The following PCLO variants were observed in gnomAD, a reference collection of about 807,000 sequenced individuals.
PCLO encodes piccolo presynaptic cytomatrix protein, also known as protein piccolo.
Under a neutral mutation model 427.5 loss-of-function variants are expected in PCLO, and 82 were observed. The ratio of observed to expected loss-of-function variants is 0.19; its 90% CI spans 0.16 to 0.23. PCLO has a LOEUF of 0.23. PCLO is among the 10% of genes least tolerant of loss of function. The pLI is 1.00. For missense variants in PCLO, 6,239 were observed against 6,115.9 expected (o/e 1.02, Z -0.67); for synonymous variants, 2,357 against 2,155.4 (o/e 1.09, Z -2.59).
chr7:82,866,212 T>G (rs1281990157), intron 10 of PCLO, among the ~76,000 whole-genome samples: 2 of 152,134 alleles, frequency 1.3e-5, no homozygotes, highest in Non-Finnish European at 2.9e-5. Context: ...TTTTGCCTAC[T>G]TGCCAAAGCT....
intron 6 of PCLO, among the ~76,000 whole-genome samples, 169 bp downstream of exon 6, chr7:82,949,307 G>GCA (rs558572131): frequency 6.7e-6 from 1 of 149,992 alleles, no homozygotes; most frequent in Admixed American, 6.7e-5. Context: ...ACACACACAC[G>GCA]CACACACACA....
chr7:83,085,149 A>G (rs1790198959), intron 3 of PCLO, among the ~76,000 whole-genome samples: 1 of 152,120 alleles, frequency 6.6e-6, no homozygotes, highest in African/African-American at 2.4e-5. Context: ...AACTTTACAT[A>G]AGCCAAGTTC....
intron 3 of PCLO, among the ~76,000 whole-genome samples, chr7:83,001,304 C>T (rs886804786): frequency 6.6e-6 from 1 of 151,748 alleles, no homozygotes; most frequent in Admixed American, 6.6e-5. Flanking sequence ...CATATTCCTG[C>T]GATGGATAAG....
intron 7 of PCLO, 125 bp downstream of exon 7, chr7:82,914,561 G>C (rs896999475): frequency 1.1e-6 from 1 of 888,680 alleles, no homozygotes. Context: ...AAATAAAATT[G>C]AAGTAAACAT....
intron 9 of PCLO, among the ~76,000 whole-genome samples, chr7:82,890,233 C>G (rs534152707): frequency 3.3e-5 from 5 of 151,942 alleles, no homozygotes; most frequent in Non-Finnish European, 7.4e-5. Flanking sequence ...TGGGTAAATA[C>G]GTGTTCTCTA....
At chr7:83,065,646 T>C (rs1195038707) in intron 3 of PCLO, among the ~76,000 whole-genome samples, 1 of 152,000 alleles carries the variant, frequency 6.6e-6, no homozygotes, top group Non-Finnish European at 1.5e-5. Context: ...TTTAGATAAA[T>C]ATGCAGATAC....
At chr7:83,093,492 A>ATATATATATATATTTTTTTTTTTTTT in intron 3 of PCLO, among the ~76,000 whole-genome samples, 1 of 59,318 alleles carries the variant, frequency 1.7e-5, no homozygotes, top group African/African-American at 5.4e-5. Context: ...ATATATATAT[A>ATATATATATATATTTTTTTTTTTTTT]TTTTTTTTTT....
chr7:83,048,866 A>G (rs1789165576), intron 3 of PCLO, among the ~76,000 whole-genome samples: 1 of 152,194 alleles, frequency 6.6e-6, no homozygotes, highest in Non-Finnish European at 1.5e-5. Flanking sequence ...TGAGCCCACT[A>G]TAATACACTT....
At chr7:82,886,226 T>C (rs1447445592) in intron 9 of PCLO, among the ~76,000 whole-genome samples, 1 of 152,212 alleles carries the variant, frequency 6.6e-6, no homozygotes, top group Non-Finnish European at 1.5e-5. Flanking sequence ...ATTTGTTTTG[T>C]CAGTATAATC....
intron 3 of PCLO, among the ~76,000 whole-genome samples, chr7:83,106,963 TA>T (rs11348965): frequency 0.46 from 69,826 of 151,872 alleles, 16,446 homozygotes; most frequent in East Asian, 0.71. Context: ...ATGTGCTCAT[TA>T]AGTAGTGTGA....
intron 3 of PCLO, among the ~76,000 whole-genome samples, chr7:83,018,551 C>T (rs1195391238): frequency 6.6e-6 from 1 of 151,804 alleles, no homozygotes; most frequent in African/African-American, 2.4e-5. Flanking sequence ...ATACATCTGA[C>T]AAAATTATAT....
At chr7:82,969,898 T>C (rs1225181660) in intron 3 of PCLO, among the ~76,000 whole-genome samples, 1 of 152,114 alleles carries the variant, frequency 6.6e-6, no homozygotes, top group Non-Finnish European at 1.5e-5. Flanking sequence ...AAAATAGATA[T>C]GTTAATAAAT....
intron 2 of PCLO, among the ~76,000 whole-genome samples, chr7:83,140,693 A>T (rs1425667656): frequency 6.6e-6 from 1 of 152,210 alleles, no homozygotes; most frequent in Non-Finnish European, 1.5e-5. Context: ...TTCTCCATAG[A>T]ACCCTACTTT....
rs1474091537 is a variant in PCLO, at chr7:82,953,337, G to A, written c.7616C>T (p.Thr2539Ile). Residue 2539 changes from threonine to isoleucine, a missense_variant, in exon 5 of 25, where the codon ACT (threonine) becomes ATT (isoleucine). Transcript: ENST00000333891. Reference protein sequence around the residue: ...IHPKPTGLSLTSSMTLNLVTS... With the variant: ...IHPKPTGLSLISSMTLNLVTS... ...CACTAAATTTAAGGTCATACTTGAA[G>A]TTAAAGATAGGCCTGTTGGTTTGGG... 7.4e-6 allele frequency: 12 copies of A among 1,613,850 alleles called. No homozygotes were observed. Among genetic ancestry groups the A allele is most frequent in the Non-Finnish European group, 1.0e-5 (12 of 1,179,842 alleles).
chr7:82,939,826 T>C (rs983593334), intron 6 of PCLO, among the ~76,000 whole-genome samples: 4 of 151,158 alleles, frequency 2.6e-5, no homozygotes, highest in Admixed American at 6.6e-5. Flanking sequence ...TCCCTTAAAA[T>C]TGAATAACAA....
intron 10 of PCLO, among the ~76,000 whole-genome samples, chr7:82,858,767 A>G (rs1792874066): frequency 6.6e-6 from 1 of 152,172 alleles, no homozygotes; most frequent in African/African-American, 2.4e-5. Flanking sequence ...AAGAAGGTGA[A>G]AAATCTATGC....
intron 3 of PCLO, among the ~76,000 whole-genome samples, chr7:83,030,011 A>G (rs1168306301): frequency 6.8e-6 from 1 of 146,592 alleles, no homozygotes; most frequent in African/African-American, 2.5e-5. Flanking sequence ...ACCTAATGCT[A>G]GATGACGAGT....
At chr7:82,843,136 G>C (rs1792408968) in intron 13 of PCLO, among the ~76,000 whole-genome samples, 1 of 152,086 alleles carries the variant, frequency 6.6e-6, no homozygotes, top group South Asian at 2.1e-4. Flanking sequence ...CAATAGCCCA[G>C]ATATAGTACC....
chr7:82,955,722 C>T lies in PCLO; in HGVS notation c.5231G>A (p.Ser1744Asn). 2 of 1,613,894 alleles carry T rather than the reference C, an allele frequency of 1.2e-6. No individual in the cohort carries two copies. The highest frequency in any genetic ancestry group is 8.5e-7 in the Non-Finnish European group (1 of 1,179,872). Reference protein sequence around the residue: ...VSSLDEDSDSSPSHKKGESKQ... With the variant: ...VSSLDEDSDSNPSHKKGESKQ... ...GCTCTCTCCTTTTTTGTGACTCGGG[C>T]TACTGTCACTGTCCTCATCAAGTGA... Residue 1744 changes from serine to asparagine, a missense_variant, in exon 5 of 25, where the codon AGC becomes AAC. Transcript: ENST00000333891.
Sources: gnomAD v4.1 joint callset for allele counts (sites outside exome capture counted in the v4.1 genomes callset) on GRCh38, gnomAD v4.1.1 for gene constraint, MANE v1.5 for transcripts, NCBI Gene and HGNC (gene_info 2026-07-23, HGNC 2026-07-21) for gene names.